The following FRMD4A variants were observed in gnomAD, a reference collection of about 807,000 sequenced individuals.
FRMD4A encodes the protein FERM domain-containing protein 4A.
A neutral mutation model predicts 129.1 loss-of-function variants in FRMD4A; 29 were observed. That is an observed-to-expected ratio of 0.22 (90% CI 0.17 to 0.31). The LOEUF (loss-of-function observed/expected upper bound fraction) is 0.31. FRMD4A is among the 10% of genes least tolerant of loss of function. The pLI is 1.00. For missense variants in FRMD4A, 1,272 were observed against 1,375.8 expected (o/e 0.92, Z 1.19); for synonymous variants, 634 against 571.6 (o/e 1.11, Z -1.56).
chr10:14,272,980 C>G (rs1439455710), intron 2 of FRMD4A, among the ~76,000 whole-genome samples: 1 of 152,096 alleles, frequency 6.6e-6, no homozygotes, highest in African/African-American at 2.4e-5. Context: ...CTTTGGTAAC[C>G]TGAGGCAGAC....
intron 12 of FRMD4A, among the ~76,000 whole-genome samples, chr10:13,733,578 C>T (rs749377403): frequency 9.9e-5 from 15 of 152,164 alleles, no homozygotes; most frequent in Admixed American, 2.6e-4. Flanking sequence ...GCCCCGCCCC[C>T]GCAGCAGGCC....
chr10:13,997,728 G>A (rs1249869708), intron 2 of FRMD4A, among the ~76,000 whole-genome samples: 1 of 149,598 alleles, frequency 6.7e-6, no homozygotes, highest in Non-Finnish European at 1.5e-5. Context: ...GTTCAAACAA[G>A]CCTTCCATCT....
At chr10:14,328,657 T>TGC (rs1483799552) in intron 2 of FRMD4A, among the ~76,000 whole-genome samples, 30 of 148,710 alleles carry the variant, frequency 2.0e-4, no homozygotes, top group Non-Finnish European at 8.9e-5. Context: ...TGTGTGTGTG[T>TGC]GTGCATATGT....
intron 4 of FRMD4A, 90 bp from the exon 5 acceptor site, chr10:13,796,678 G>A (rs571873420): frequency 9.3e-5 from 65 of 696,052 alleles, no homozygotes; most frequent in Non-Finnish European, 1.5e-4. Flanking sequence ...GAACGTGCTG[G>A]ATCGTAGATA....
chr10:14,270,310 G>A (rs1845121943), intron 2 of FRMD4A, among the ~76,000 whole-genome samples: 1 of 152,184 alleles, frequency 6.6e-6, no homozygotes, highest in Admixed American at 6.5e-5. Context: ...TAGTTATCAT[G>A]TCAGTTCTGT....
At chr10:14,172,069 C>A (rs1841505168) in intron 2 of FRMD4A, among the ~76,000 whole-genome samples, 1 of 152,220 alleles carries the variant, frequency 6.6e-6, no homozygotes, top group Non-Finnish European at 1.5e-5. Context: ...CCAGTCAGGT[C>A]TTGTTCCCTC....
At chr10:14,218,106 A>G (rs1843131402) in intron 2 of FRMD4A, among the ~76,000 whole-genome samples, 1 of 152,246 alleles carries the variant, frequency 6.6e-6, no homozygotes, top group Non-Finnish European at 1.5e-5. Context: ...CTGGGATTAT[A>G]GGCATGAGCC....
intron 2 of FRMD4A, among the ~76,000 whole-genome samples, chr10:14,116,163 G>A (rs1173669952): frequency 6.6e-6 from 1 of 152,206 alleles, no homozygotes. Flanking sequence ...GCAAATGGAA[G>A]GGTTGGTTAT....
intron 15 of FRMD4A, chr10:13,685,253 A>C (rs1278104748): frequency 1.0e-6 from 1 of 984,946 alleles, no homozygotes; most frequent in Non-Finnish European, 1.2e-6. Flanking sequence ...TTGAAAACCA[A>C]GCACCTTTTG....
chr10:13,681,235 C>T (rs1320101694), intron 15 of FRMD4A, among the ~76,000 whole-genome samples: 2 of 152,206 alleles, frequency 1.3e-5, no homozygotes, highest in Non-Finnish European at 2.9e-5. Context: ...GTTACTGCTA[C>T]AGCCTCTCCC....
intron 2 of FRMD4A, among the ~76,000 whole-genome samples, chr10:14,236,549 T>G (rs1236829210): frequency 6.6e-6 from 1 of 152,156 alleles, no homozygotes. Context: ...GATCACCACC[T>G]GCCCTGCCAG....
chr10:14,049,149 C>T (rs1834138624), intron 2 of FRMD4A, among the ~76,000 whole-genome samples: 1 of 152,146 alleles, frequency 6.6e-6, no homozygotes, highest in Non-Finnish European at 1.5e-5. Flanking sequence ...AGGGATGTGG[C>T]CTGTTCAGTT....
intron 2 of FRMD4A, among the ~76,000 whole-genome samples, chr10:14,014,626 G>C (rs950988779): frequency 1.3e-5 from 2 of 152,144 alleles, no homozygotes; most frequent in African/African-American, 4.8e-5. Context: ...AAACTGGCTG[G>C]AATTTAGGCC....
intron 2 of FRMD4A, among the ~76,000 whole-genome samples, chr10:14,129,443 T>C (rs1004646109): frequency 2.3e-5 from 3 of 130,498 alleles, no homozygotes; most frequent in African/African-American, 5.7e-5. Flanking sequence ...TTAGAAACAT[T>C]GATTTAGAAA....
intron 3 of FRMD4A, among the ~76,000 whole-genome samples, chr10:13,843,176 T>G (rs2047154468): frequency 6.6e-6 from 1 of 152,188 alleles, no homozygotes; most frequent in African/African-American, 2.4e-5. Flanking sequence ...AGACAGCCTA[T>G]GCTGCATCGG....
At chr10:14,163,770 G>A (rs1024673474) in intron 2 of FRMD4A, among the ~76,000 whole-genome samples, 1 of 152,130 alleles carries the variant, frequency 6.6e-6, no homozygotes, top group Non-Finnish European at 1.5e-5. Flanking sequence ...GCAAATAAAC[G>A]GCTACATGTT....
At chr10:14,109,288 G>A (rs1022044549) in intron 2 of FRMD4A, among the ~76,000 whole-genome samples, 2 of 151,542 alleles carry the variant, frequency 1.3e-5, no homozygotes, top group African/African-American at 4.9e-5. Flanking sequence ...AAAAACCTGA[G>A]AAGGAATCAT....
intron 2 of FRMD4A, chr10:14,008,244 A>C (rs2095669590): frequency 9.0e-7 from 1 of 1,113,588 alleles, no homozygotes; most frequent in Admixed American, 3.0e-5. Flanking sequence ...GCCTCCCTCA[A>C]AAATAAGTTA....
chr10:14,011,011 G>A (rs376061913), intron 2 of FRMD4A, among the ~76,000 whole-genome samples: 18 of 152,134 alleles, frequency 1.2e-4, no homozygotes, highest in African/African-American at 4.1e-4. Flanking sequence ...CTGTTTCAGT[G>A]GTGAAGAAAC....
Sources: allele counts gnomAD v4.1 joint callset (sites outside exome capture counted in the v4.1 genomes callset), GRCh38; gene constraint gnomAD v4.1.1; transcripts MANE v1.5; gene names NCBI Gene and HGNC (gene_info 2026-07-23, HGNC 2026-07-21).